The following MAPK10 variants were observed in gnomAD, a reference collection of about 807,000 sequenced individuals.
MAPK10 encodes JNK3 alpha protein kinase.
In MAPK10, 25 loss-of-function variants were observed where a neutral mutation model predicts 59.3. That is an observed-to-expected ratio of 0.42 (90% CI 0.31 to 0.59). The LOEUF is 0.59. Ranked by LOEUF, MAPK10 falls within the 20% of genes least tolerant of loss-of-function variation. The pLI, the probability that MAPK10 is intolerant of heterozygous loss-of-function variation, is 0.15. For missense variants in MAPK10, 351 were observed against 568.9 expected, an observed-to-expected ratio of 0.62 and a Z score of 3.90; for synonymous variants, 190 against 200.5, an observed-to-expected ratio of 0.95 and a Z score of 0.44.
chr4:86,524,735 AGTT>A (rs1307505271), intron 1 of MAPK10, among the ~76,000 whole-genome samples: 3 of 151,352 alleles, frequency 2.0e-5, no homozygotes, highest in South Asian at 2.1e-4. Flanking sequence ...GTTTTTTTTA[AGTT>A]GTTGTTGTTG....
At chr4:86,267,056 A>G (rs116328011) in intron 2 of MAPK10, among the ~76,000 whole-genome samples, 1,975 of 152,292 alleles carry the variant, frequency 0.013, 53 homozygotes, top group African/African-American at 0.044. Flanking sequence ...ACAAGCTTCT[A>G]TGCTGACTGA....
intron 2 of MAPK10, among the ~76,000 whole-genome samples, chr4:86,296,224 TTTTTG>T (rs2095359365): frequency 1.3e-5 from 2 of 152,058 alleles, no homozygotes; most frequent in Non-Finnish European, 2.9e-5. Context: ...TGCAAACTTT[TTTTTG>T]TTTTGTTTTT....
intron 1 of MAPK10, among the ~76,000 whole-genome samples, chr4:86,534,774 C>T (rs1476904266): frequency 6.6e-6 from 1 of 151,940 alleles, no homozygotes; most frequent in Non-Finnish European, 1.5e-5. Context: ...AGCGTAGTGG[C>T]ACACACCTGT....
chr4:86,591,887 T>C (rs1339978892), intron 1 of MAPK10, among the ~76,000 whole-genome samples: 2 of 152,176 alleles, frequency 1.3e-5, no homozygotes, highest in Non-Finnish European at 2.9e-5. Context: ...TCTTGCCTTG[T>C]ACTTGACTTC....
chr4:86,140,623 T>C (rs1321429299), intron 4 of MAPK10, among the ~76,000 whole-genome samples: 2 of 151,288 alleles, frequency 1.3e-5, no homozygotes, highest in Admixed American at 6.6e-5. Flanking sequence ...GCATGGCACA[T>C]GTATACATAT....
intron 13 of MAPK10, among the ~76,000 whole-genome samples, chr4:86,026,125 T>G (rs1750063279): frequency 6.6e-6 from 1 of 152,198 alleles, no homozygotes; most frequent in Non-Finnish European, 1.5e-5. Context: ...TATCTTTGAT[T>G]TAGAGATTTT....
intron 9 of MAPK10, among the ~76,000 whole-genome samples, chr4:86,085,474 TAACA>T (rs2051588630): frequency 6.6e-6 from 1 of 152,000 alleles, no homozygotes; most frequent in Non-Finnish European, 1.5e-5. Context: ...GATATGCAAA[TAACA>T]AACAGGCATA....
chr4:86,361,666 C>A (rs149534095), upstream of MAPK10, among the ~76,000 whole-genome samples: 1 of 150,698 alleles, frequency 6.6e-6, no homozygotes. Flanking sequence ...AACACACATA[C>A]ACACACACAC....
chr4:86,128,249 T>TTCTCACTAAAAC (rs1046889880), intron 4 of MAPK10, among the ~76,000 whole-genome samples: 1 of 152,158 alleles, frequency 6.6e-6, no homozygotes, highest in African/African-American at 2.4e-5. Flanking sequence ...AGTAACTTGA[T>TTCTCACTAAAAC]TCTCACTAAA....
At chr4:86,507,615 GATATATATATATATATATATAT>G (rs767683551) in intron 1 of MAPK10, among the ~76,000 whole-genome samples, 1,814 of 35,650 alleles carry the variant, frequency 0.051, 113 homozygotes, top group Non-Finnish European at 0.065. Flanking sequence ...ATAAACTGGA[GATATATATATATATATATATAT>G]ATATATATAT....
chr4:86,394,037 G>A (rs1475361542), intron 1 of MAPK10, among the ~76,000 whole-genome samples: 2 of 152,162 alleles, frequency 1.3e-5, no homozygotes, highest in African/African-American at 4.8e-5. Flanking sequence ...TTGGGAGGCC[G>A]AGGTAGGCGG....
chr4:86,580,327 C>G (rs183610501), intron 1 of MAPK10, among the ~76,000 whole-genome samples: 104 of 152,022 alleles, frequency 6.8e-4, no homozygotes, highest in African/African-American at 2.5e-3. Context: ...GGCAAAACCC[C>G]GCTCCTACTA....
intron 4 of MAPK10, among the ~76,000 whole-genome samples, chr4:86,138,707 A>T (rs2062839766): frequency 6.6e-6 from 1 of 151,626 alleles, no homozygotes; most frequent in Non-Finnish European, 1.5e-5. Flanking sequence ...AGGAGAAGGA[A>T]ATAAACGGTA....
intron 4 of MAPK10, among the ~76,000 whole-genome samples, chr4:86,141,194 A>G (rs2063566767): frequency 6.6e-6 from 1 of 152,202 alleles, no homozygotes; most frequent in Admixed American, 6.5e-5. Context: ...CAAGCTCAGA[A>G]TGATTCATTA....
At chr4:86,063,816 C>T (rs985795381) in intron 11 of MAPK10, among the ~76,000 whole-genome samples, 2 of 152,146 alleles carry the variant, frequency 1.3e-5, no homozygotes, top group Non-Finnish European at 2.9e-5. Flanking sequence ...AGCCACCAAT[C>T]GTTTTAATCA....
intron 13 of MAPK10, among the ~76,000 whole-genome samples, chr4:86,019,116 G>A (rs1350585667): frequency 6.6e-6 from 1 of 152,050 alleles, no homozygotes; most frequent in Non-Finnish European, 1.5e-5. Flanking sequence ...TGGGAAATGT[G>A]AAAAAATATA....
At chr4:86,240,263 T>C (rs1383679871) in intron 2 of MAPK10, among the ~76,000 whole-genome samples, 1 of 152,232 alleles carries the variant, frequency 6.6e-6, no homozygotes, top group Non-Finnish European at 1.5e-5. Context: ...GTGTTTTACT[T>C]CCAATTATGT....
intron 3 of MAPK10, among the ~76,000 whole-genome samples, chr4:86,181,221 C>G (rs17011419): frequency 0.085 from 12,891 of 151,814 alleles, 1,216 homozygotes; most frequent in African/African-American, 0.23. Flanking sequence ...TGTATTGAAT[C>G]GATGAATGGT....
At chr4:86,384,100 C>A (rs895707774) in intron 1 of MAPK10, 5 of 152,076 alleles carry the variant, frequency 3.3e-5, no homozygotes, top group African/African-American at 1.2e-4. Context: ...CTCTCCTTAC[C>A]TTTTACCGTG....
Sources: gnomAD v4.1 joint callset for allele counts (sites outside exome capture counted in the v4.1 genomes callset) on GRCh38, gnomAD v4.1.1 for gene constraint, MANE v1.5 for transcripts, NCBI Gene and HGNC (gene_info 2026-07-23, HGNC 2026-07-21) for gene names.